PCDHA3: variants seen among roughly 807,000 people sequenced by gnomAD.
PCDHA3 encodes the protein protocadherin alpha-3.
In PCDHA3, 41 loss-of-function variants were observed where a neutral mutation model predicts 62.2. That is an observed-to-expected ratio of 0.66 (90% CI 0.51 to 0.86). The LOEUF is 0.86. Ranked by LOEUF, PCDHA3 falls within the 40% of genes least tolerant of loss-of-function variation. PCDHA3 has a pLI of 0.00. For synonymous variants in PCDHA3, 640 were observed against 555.4 expected (o/e 1.15, Z -2.14); for missense variants, 1,304 against 1,241.2 (o/e 1.05, Z -0.76).
At chr5:140,876,773 C>A (rs782103064) in intron 1 of PCDHA3, 2 of 1,614,226 alleles carry the variant, frequency 1.2e-6, no homozygotes, top group South Asian at 2.2e-5. Context: ...GGCTCGCCTT[C>A]GCTGTGGGCC....
chr5:140,898,392 T>G (rs1464159946), intron 1 of PCDHA3, among the ~76,000 whole-genome samples: 3 of 152,224 alleles, frequency 2.0e-5, no homozygotes, highest in African/African-American at 7.2e-5. Flanking sequence ...GGATCCAGTT[T>G]CAGCTTTCTA....
At position 140,802,127 on chromosome 5, in the gene PCDHA3, C is replaced by T. The variant is rs868926378; in HGVS notation, c.930C>T (p.Phe310=). ...GQISVKGNID[F]EESKSYEIQV... is the part of the protein sequence containing the mutation. ...TCAGTGTAAAGGGTAACATAGATTTCGAGGAAAGTAAGTCATATGAAATCC... is the reference window on the plus strand; with the variant it reads ...TCAGTGTAAAGGGTAACATAGATTTTGAGGAAAGTAAGTCATATGAAATCC... The change falls in exon 1 of 4, where the codon TTC becomes TTT. Residue 310 remains phenylalanine, a synonymous_variant. Coordinates refer to ENST00000522353, the MANE Select transcript of PCDHA3 (RefSeq NM_018906.3). 1 of 1,614,136 alleles carries T rather than the reference C, an allele frequency of 6.2e-7. No homozygotes were observed. The highest frequency in any genetic ancestry group is 8.5e-7 in the Non-Finnish European group (1 of 1,180,022).
intron 1 of PCDHA3, chr5:140,835,670 C>G (rs1554135177): frequency 1.2e-6 from 2 of 1,613,852 alleles, no homozygotes; most frequent in East Asian, 2.2e-5. Context: ...CCGCGCGGGA[C>G]GGGGGCTCGC....
intron 1 of PCDHA3, chr5:140,824,610 G>GTGT (rs1768191919): frequency 1.1e-5 from 1 of 95,104 alleles, no homozygotes; most frequent in South Asian, 3.6e-4. Context: ...GCTAATTAAA[G>GTGT]TTTTTTTTTT....
At chr5:141,003,441 A>G (rs184470683) in intron 3 of PCDHA3, among the ~76,000 whole-genome samples, 25 of 152,240 alleles carry the variant, frequency 1.6e-4, no homozygotes, top group Non-Finnish European at 1.5e-5. Flanking sequence ...CCTCCCAAGT[A>G]GATGAAATTA....
chr5:140,962,080 T>A (rs1226617177), intron 1 of PCDHA3, among the ~76,000 whole-genome samples: 1 of 151,756 alleles, frequency 6.6e-6, no homozygotes, highest in Non-Finnish European at 1.5e-5. Context: ...AGAGACGGGG[T>A]TTCACCATGT....
chr5:140,919,529 TC>T (rs2079177812), intron 1 of PCDHA3, among the ~76,000 whole-genome samples: 1 of 152,196 alleles, frequency 6.6e-6, no homozygotes. Context: ...TCTCTTTTTT[TC>T]CTATACTTTT....
In PCDHA3 at chr5:140,808,422, C is replaced by T. The variant is rs147309851; in HGVS notation, c.2394+4831C>T. 451 of 1,614,150 alleles carry T rather than the reference C, an allele frequency of 2.8e-4. 2 individuals are homozygous for T. In the African/African-American group the frequency reaches 4.3e-3, roughly 15 times the overall value. On this transcript the variant is annotated intron_variant, in intron 1 of 3. Transcript: ENST00000522353. ...TACTACTCGTTGGTGCTGGACAGTG[C>T]CCTGGACCGCGAGAGCGTGTCAGCC...
intron 1 of PCDHA3, chr5:140,967,369 G>A (rs147557274): frequency 2.4e-5 from 38 of 1,607,564 alleles, no homozygotes; most frequent in Non-Finnish European, 2.9e-5. Context: ...AGCCCCTGCA[G>A]GAGAACAGTA....
rs79831933 is a variant in PCDHA3, at chr5:140,933,507, A to G, written c.2395-45442A>G. ...TATTCTTTAGAATTGTTAAGCAAAG[A>G]CTACAGCTGTTTTGTTTAAACTCAA... On this transcript the variant is annotated intron_variant, in intron 1 of 3. Transcript: ENST00000522353. 5.9e-3 allele frequency among the ~76,000 whole-genome samples: 898 copies of G among 152,170 alleles called. 13 individuals carry two copies. Among genetic ancestry groups the G allele is most frequent in the African/African-American group, 0.02 (841 of 41,572 alleles).
At chr5:140,822,855 G>C (rs782705160) in intron 1 of PCDHA3, 1 of 1,614,216 alleles carries the variant, frequency 6.2e-7, no homozygotes, top group Non-Finnish European at 8.5e-7. Flanking sequence ...CTGTCAAAGA[G>C]GACGCTCCAC....
At chr5:140,870,837 G>A (rs782610375) in intron 1 of PCDHA3, 9 of 1,613,702 alleles carry the variant, frequency 5.6e-6, no homozygotes, top group African/African-American at 1.3e-5. Flanking sequence ...CAGTTAACAA[G>A]CTAGTACCGC....
intron 1 of PCDHA3, among the ~76,000 whole-genome samples, chr5:140,890,293 A>G (rs1423277316): frequency 6.6e-6 from 1 of 152,196 alleles, no homozygotes; most frequent in African/African-American, 2.4e-5. Flanking sequence ...AGTCAGAACC[A>G]GGAGAGGTAA....
rs2150482959 is a variant in PCDHA3, at chr5:140,850,410, G to C, written c.2394+46819G>C. The C allele has an allele frequency of 5.8e-5, 93 of 1,597,818 alleles. 8 individuals carry two copies. The highest frequency in any genetic ancestry group is 7.6e-5 in the Non-Finnish European group (89 of 1,167,718). On this transcript the variant is annotated intron_variant, in intron 1 of 3. Coordinates refer to ENST00000522353, the MANE Select transcript of PCDHA3 (RefSeq NM_018906.3). ...GATCAGCACAACGCGTGCCCTGGAC[G>C]AAACGGACGCACCGCGCCAGCGCCT...
At chr5:141,003,941 G>A (rs532794918) in intron 3 of PCDHA3, among the ~76,000 whole-genome samples, 1 of 152,236 alleles carries the variant, frequency 6.6e-6, no homozygotes, top group African/African-American at 2.4e-5. Flanking sequence ...TTTGCCTGAG[G>A]GTGAGCTAGG....
At chr5:141,000,415 A>T (rs1462372394) in intron 3 of PCDHA3, among the ~76,000 whole-genome samples, 8 of 87,370 alleles carry the variant, frequency 9.2e-5, no homozygotes, top group African/African-American at 2.5e-4. Flanking sequence ...ATATATATAT[A>T]TATATATTTT....
rs782803218 is a variant in PCDHA3, at chr5:140,802,374, G to T, written c.1177G>T (p.Val393Phe). 1.9e-6 allele frequency: 3 copies of T among 1,614,082 alleles called. No homozygotes were observed. Among genetic ancestry groups the T allele is most frequent in the Admixed American group, 1.7e-5 (1 of 60,006 alleles). Residue 393 changes from valine to phenylalanine, a missense_variant, in exon 1 of 4, where the codon GTC becomes TTC. Physicochemically the swap from Val to Phe is conservative, Grantham distance 50. Transcript: ENST00000522353. ...GGTCACCTGCTCGCTGACGCCCCAC[G>T]TCCCCTTCAAGCTGGTGTCCACCTT... Reference protein sequence around the residue: ...GQVTCSLTPHVPFKLVSTFKN... With the variant: ...GQVTCSLTPHFPFKLVSTFKN...
intron 1 of PCDHA3, among the ~76,000 whole-genome samples, chr5:140,894,320 G>T (rs191376863): frequency 1.1e-3 from 163 of 152,016 alleles, no homozygotes; most frequent in Non-Finnish European, 1.7e-3. Flanking sequence ...TTAAATTATA[G>T]ATTTTAGTAT....
intron 1 of PCDHA3, chr5:140,805,067 ACTTCAAT>A (rs1763504398): frequency 8.8e-6 from 14 of 1,593,442 alleles, no homozygotes; most frequent in Non-Finnish European, 9.3e-6. Flanking sequence ...CAGATATGGA[ACTTCAAT>A]CTTCAAATCC....
Sources: allele counts gnomAD v4.1 joint callset (sites outside exome capture counted in the v4.1 genomes callset), GRCh38; gene constraint gnomAD v4.1.1; transcripts MANE v1.5; gene names NCBI Gene and HGNC (gene_info 2026-07-23, HGNC 2026-07-21).